Variants in ME2 observed in about 807,000 individuals in gnomAD.
The protein encoded by ME2 is malic enzyme 2.
Under a neutral mutation model 73.7 loss-of-function variants are expected in ME2, and 60 were observed. The ratio of observed to expected loss-of-function variants is 0.81; its 90% confidence interval spans 0.66 to 1.01. ME2 has a LOEUF of 1.01. Among genes scored for constraint, ME2 ranks in the 50% least tolerant of loss-of-function variants. ME2 has a pLI of 0.00. For synonymous variants in ME2, 199 were observed against 236.9 expected (o/e 0.84, Z 1.47); for missense variants, 594 against 705.5 (o/e 0.84, Z 1.79).
In ME2 at chr18:50,947,994, ATACC is replaced by A. The variant is rs1191681041; in HGVS notation, c.*813_*816del. On this transcript the variant is annotated 3_prime_UTR_variant, in exon 16 of 16. Transcript: ENST00000321341. Reference sequence around the variant, plus strand: ...AGATGATTCTAGGAGGGAGTATAAGATACCTAATCATATGGGAACATCACGTGAC... The same window carrying A: ...AGATGATTCTAGGAGGGAGTATAAGATAATCATATGGGAACATCACGTGAC... The A allele has an allele frequency of 6.6e-6, 1 of 152,238 alleles. No individual in the cohort carries two copies. Among genetic ancestry groups the A allele is most frequent in the Non-Finnish European group, 1.5e-5 (1 of 68,050 alleles). 9.4% of individuals were successfully genotyped at this position (152,238 alleles called of 1,614,324 possible). A position where few individuals can be genotyped will look rare whatever the true frequency, so the allele number is the denominator to read the frequency against.
chr18:50,907,205 C>T (rs1917038348), intron 2 of ME2, among the ~76,000 whole-genome samples: 1 of 152,140 alleles, frequency 6.6e-6, no homozygotes, highest in Non-Finnish European at 1.5e-5. Flanking sequence ...ATGACATTTT[C>T]CTGGAATAGG....
intron 15 of ME2, among the ~76,000 whole-genome samples, chr18:50,942,279 A>T (rs1010074792): frequency 2.6e-5 from 4 of 152,124 alleles, no homozygotes; most frequent in African/African-American, 9.7e-5. Flanking sequence ...GTTAATTGGG[A>T]ATTGAATCTG....
intron 2 of ME2, among the ~76,000 whole-genome samples, chr18:50,898,923 A>G (rs967101633): frequency 2.0e-5 from 3 of 152,248 alleles, no homozygotes; most frequent in Admixed American, 6.5e-5. Context: ...GGGCTATACA[A>G]GTATAAAATT....
intron 12 of ME2, 26 bp downstream of exon 12, chr18:50,925,924 T>C (rs776537434): frequency 6.5e-7 from 1 of 1,527,206 alleles, no homozygotes; most frequent in Non-Finnish European, 9.1e-7. Context: ...TGAATTGATA[T>C]GTATATTATT....
intron 15 of ME2, among the ~76,000 whole-genome samples, chr18:50,946,443 A>G (rs1918084752): frequency 6.6e-6 from 1 of 152,240 alleles, no homozygotes; most frequent in Non-Finnish European, 1.5e-5. Context: ...CAGAATGAGA[A>G]TAATGATAGC....
At chr18:50,905,745 A>T (rs1020877818) in intron 2 of ME2, among the ~76,000 whole-genome samples, 1 of 152,174 alleles carries the variant, frequency 6.6e-6, no homozygotes, top group African/African-American at 2.4e-5. Context: ...TTATGATAGG[A>T]GGCTTTGGAG....
In ME2 at chr18:50,953,957, A is replaced by G. The variant is rs1918272749; in HGVS notation, c.*6773A>G. 6.6e-6 allele frequency: 1 copy of G among 152,248 alleles called. No homozygotes were observed. Among genetic ancestry groups the G allele is most frequent in the Admixed American group, 6.5e-5 (1 of 15,284 alleles). 9.4% of individuals were successfully genotyped at this position (152,248 alleles called of 1,614,324 possible). On this transcript the variant is annotated 3_prime_UTR_variant, in exon 16 of 16. Coordinates refer to ENST00000321341, the MANE Select transcript of ME2 (RefSeq NM_002396.5). The stretch of plus-strand genomic sequence containing the variant: ...ATTTTTGTGTTCCCTTTGTTAACAT[A>G]CCAAGCACTAATTATTGACTTCAAG...
intron 15 of ME2, among the ~76,000 whole-genome samples, chr18:50,944,351 A>G (rs537771590): frequency 6.6e-6 from 1 of 152,320 alleles, no homozygotes; most frequent in South Asian, 2.1e-4. Context: ...CCCCAGAGGC[A>G]GGAGTAGAGA....
chr18:50,948,876 C>T lies in ME2; in HGVS notation c.*1692C>T, dbSNP rs1333904924. 2 of 125,942 alleles carry T rather than the reference C, an allele frequency of 1.6e-5. No homozygotes were observed. The highest frequency in any genetic ancestry group is 6.1e-5 in the African/African-American group (2 of 32,832). 7.8% of individuals were successfully genotyped at this position (125,942 alleles called of 1,614,324 possible). On this transcript the variant is annotated 3_prime_UTR_variant, in exon 16 of 16. Transcript: ENST00000321341. ...TTTTTTTTTTTTTGAGACAGAGTCT[C>T]GCTTTTGTCGCCCAGTCTGGAGTGT...
At chr18:50,938,862 G>A (rs1476803384) in intron 13 of ME2, among the ~76,000 whole-genome samples, 1 of 152,056 alleles carries the variant, frequency 6.6e-6, no homozygotes, top group Non-Finnish European at 1.5e-5. Context: ...GAGAGTTCAA[G>A]GGTGAAATAA....
intron 2 of ME2, among the ~76,000 whole-genome samples, chr18:50,901,760 C>T (rs1456574604): frequency 1.3e-5 from 2 of 152,102 alleles, no homozygotes; most frequent in Non-Finnish European, 2.9e-5. Flanking sequence ...GTTCTTCCTG[C>T]CTCTGTGTTG....
At chr18:50,907,995 T>G (rs1193369344) in intron 2 of ME2, 68 bp from the exon 3 acceptor site, 1 of 1,182,918 alleles carries the variant, frequency 8.5e-7, no homozygotes, top group East Asian at 2.5e-5. Context: ...TAAATTATAT[T>G]TTGAAGAACA....
intron 1 of ME2, among the ~76,000 whole-genome samples, chr18:50,894,385 G>A (rs1916682998): frequency 6.6e-6 from 1 of 151,312 alleles, no homozygotes; most frequent in Admixed American, 6.6e-5. Context: ...CCAACATGGT[G>A]AAACCCTGTC....
chr18:50,896,700 T>C (rs1206229658), intron 2 of ME2, among the ~76,000 whole-genome samples: 2 of 152,178 alleles, frequency 1.3e-5, no homozygotes, highest in Non-Finnish European at 2.9e-5. Context: ...GTGTGACTTA[T>C]TTTAAAAGAA....
intron 9 of ME2, 32 bp downstream of exon 9, chr18:50,920,790 C>G: frequency 6.8e-7 from 1 of 1,468,840 alleles, no homozygotes; most frequent in Non-Finnish European, 9.4e-7. Context: ...AAACTTAAGC[C>G]TATCCTCTCT....
At chr18:50,917,696 G>C (rs1462735646) in intron 6 of ME2, among the ~76,000 whole-genome samples, 188 bp downstream of exon 6, 1 of 151,916 alleles carries the variant, frequency 6.6e-6, no homozygotes, top group East Asian at 1.9e-4. Context: ...CTTGGTCCGG[G>C]CATGGTGGCT....
chr18:50,924,773 C>A (rs1166468773), intron 11 of ME2, among the ~76,000 whole-genome samples: 4 of 151,670 alleles, frequency 2.6e-5, no homozygotes, highest in African/African-American at 9.7e-5. Context: ...CTTCCACCTC[C>A]CGGGTTCAAG....
At chr18:50,902,676 C>T (rs976847537) in intron 2 of ME2, among the ~76,000 whole-genome samples, 13 of 152,168 alleles carry the variant, frequency 8.5e-5, no homozygotes, top group African/African-American at 3.1e-4. Flanking sequence ...GGATTACAGG[C>T]GTGAGCCACT....
chr18:50,926,864 C>T (rs1265837898), intron 12 of ME2, among the ~76,000 whole-genome samples: 2 of 152,162 alleles, frequency 1.3e-5, no homozygotes, highest in Non-Finnish European at 2.9e-5. Context: ...AATTTAGTAA[C>T]AGACTTAAAA....
Sources: allele counts gnomAD v4.1 joint callset (sites outside exome capture counted in the v4.1 genomes callset), GRCh38; gene constraint gnomAD v4.1.1; transcripts MANE v1.5; gene names NCBI Gene and HGNC (gene_info 2026-07-23, HGNC 2026-07-21).